The following GRXCR1 variants were observed in gnomAD, a reference collection of about 807,000 sequenced individuals.
GRXCR1 encodes the protein glutaredoxin and cysteine rich domain containing 1.
A neutral mutation model predicts 27.3 loss-of-function variants in GRXCR1; 27 were observed. That is an observed-to-expected ratio of 0.99 (90% confidence interval 0.73 to 1.37). GRXCR1 has a LOEUF of 1.37. Ranked by LOEUF, GRXCR1 falls within the 40% of genes most tolerant of loss-of-function variation. The pLI, the probability that GRXCR1 is intolerant of heterozygous loss-of-function variation, is 0.00. For synonymous variants in GRXCR1, 122 were observed against 131.1 expected, an observed-to-expected ratio of 0.93 and a Z score of 0.47; for missense variants, 379 against 354.4, an observed-to-expected ratio of 1.07 and a Z score of -0.56.
At chr4:42,957,830 C>A (rs1165082203) in intron 1 of GRXCR1, among the ~76,000 whole-genome samples, 1 of 151,722 alleles carries the variant, frequency 6.6e-6, no homozygotes, top group Non-Finnish European at 1.5e-5. Flanking sequence ...ATTCTGAATT[C>A]CTTCTCTGTG....
At chr4:42,935,415 G>A (rs1029965190) in intron 1 of GRXCR1, among the ~76,000 whole-genome samples, 1 of 151,880 alleles carries the variant, frequency 6.6e-6, no homozygotes, top group Admixed American at 6.6e-5. Flanking sequence ...AGAAGTATAG[G>A]AAGGAAGAGG....
chr4:42,982,023 G>C (rs1748682856), intron 2 of GRXCR1, among the ~76,000 whole-genome samples: 1 of 150,938 alleles, frequency 6.6e-6, no homozygotes, highest in Non-Finnish European at 1.5e-5. Flanking sequence ...GCTTTAAAGA[G>C]GCTTTCCACC....
At chr4:42,971,345 C>T (rs891939446) in intron 2 of GRXCR1, among the ~76,000 whole-genome samples, 2 of 152,136 alleles carry the variant, frequency 1.3e-5, no homozygotes, top group African/African-American at 4.8e-5. Flanking sequence ...TAGCAATGCT[C>T]CACTACCAGT....
At position 42,969,552 on chromosome 4, in the gene GRXCR1, G is replaced by A. The variant is rs145084045; in HGVS notation, c.627+6418G>A. 1.9e-3 allele frequency among the ~76,000 whole-genome samples: 282 copies of A among 152,186 alleles called. 1 individual carries two copies. The highest frequency in any genetic ancestry group is 6.6e-3 in the African/African-American group (274 of 41,546). On this transcript the variant is annotated intron_variant, in intron 2 of 3. Transcript: ENST00000399770. The stretch of plus-strand genomic sequence containing the variant: ...GCATGTCTTTACAATGGTGGAGCAC[G>A]GGAGAGAGAGGGATCGAGAGAGCAA...
chr4:43,003,021 G>A (rs763385439), intron 2 of GRXCR1, among the ~76,000 whole-genome samples: 9 of 152,218 alleles, frequency 5.9e-5, no homozygotes, highest in Non-Finnish European at 1.2e-4. Context: ...AAAGTGTGTG[G>A]CATTCCAGCC....
chr4:42,920,544 G>A, intron 1 of GRXCR1, among the ~76,000 whole-genome samples: 1 of 152,230 alleles, frequency 6.6e-6, no homozygotes, highest in East Asian at 1.9e-4. Flanking sequence ...CTTAGAGAAT[G>A]TGTTGACGTG....
intron 2 of GRXCR1, among the ~76,000 whole-genome samples, chr4:43,010,403 CAAA>C (rs57753561): frequency 1.8e-5 from 2 of 111,230 alleles, no homozygotes; most frequent in Admixed American, 9.8e-5. Context: ...AACTCCATCT[CAAA>C]AAAAAAAAAA....
intron 3 of GRXCR1, 114 bp downstream of exon 3, chr4:43,020,533 T>G (rs1185384987): frequency 1.3e-6 from 1 of 741,770 alleles, no homozygotes; most frequent in Non-Finnish European, 2.4e-6. Context: ...AAATATGCAA[T>G]AGGATACATG....
At chr4:43,010,757 A>G (rs1266185017) in intron 2 of GRXCR1, among the ~76,000 whole-genome samples, 2 of 152,204 alleles carry the variant, frequency 1.3e-5, no homozygotes, top group Non-Finnish European at 2.9e-5. Flanking sequence ...AGAAGTTGAC[A>G]GTGTGATTTT....
intron 2 of GRXCR1, among the ~76,000 whole-genome samples, chr4:42,982,672 A>G (rs1711529744): frequency 7.3e-6 from 1 of 136,558 alleles, no homozygotes; most frequent in African/African-American, 2.6e-5. Flanking sequence ...AGTCCCACCA[A>G]CAGTGTAAAA....
chr4:42,958,486 C>A (rs1323943332), intron 1 of GRXCR1, among the ~76,000 whole-genome samples: 2 of 151,914 alleles, frequency 1.3e-5, no homozygotes, highest in Admixed American at 6.6e-5. Flanking sequence ...TCCTTGATAT[C>A]ACCCCTGGCA....
intron 1 of GRXCR1, among the ~76,000 whole-genome samples, chr4:42,928,815 G>T (rs1747232931): frequency 6.6e-6 from 1 of 151,874 alleles, no homozygotes; most frequent in African/African-American, 2.4e-5. Context: ...CCTGACCCTT[G>T]GATAATTAGA....
chr4:42,988,805 C>T (rs1361555984), intron 2 of GRXCR1, among the ~76,000 whole-genome samples: 4 of 152,008 alleles, frequency 2.6e-5, no homozygotes, highest in East Asian at 1.9e-4. Flanking sequence ...ATATGGAATG[C>T]CAGTATGCAA....
intron 1 of GRXCR1, among the ~76,000 whole-genome samples, chr4:42,901,688 A>G (rs919373192): frequency 6.6e-6 from 1 of 152,144 alleles, no homozygotes; most frequent in Admixed American, 6.6e-5. Context: ...TGCCTTCTAT[A>G]CTTGGTATTA....
chr4:42,971,340 A>G (rs1489148344), intron 2 of GRXCR1, among the ~76,000 whole-genome samples: 3 of 152,124 alleles, frequency 2.0e-5, no homozygotes, highest in Admixed American at 6.6e-5. Context: ...GTTTATAGCA[A>G]TGCTCCACTA....
At chr4:43,007,992 T>A (rs540538184) in intron 2 of GRXCR1, among the ~76,000 whole-genome samples, 2 of 152,308 alleles carry the variant, frequency 1.3e-5, no homozygotes, top group South Asian at 4.1e-4. Context: ...TTTCTGTGAC[T>A]CTGGTTATAA....
At chr4:42,903,274 A>C (rs553443078) in intron 1 of GRXCR1, among the ~76,000 whole-genome samples, 5 of 147,064 alleles carry the variant, frequency 3.4e-5, no homozygotes, top group Non-Finnish European at 7.4e-5. Flanking sequence ...CTACACAGAA[A>C]ACCAAATAAA....
intron 2 of GRXCR1, 112 bp downstream of exon 2, chr4:42,963,246 T>C: frequency 7.7e-7 from 1 of 1,295,488 alleles, no homozygotes; most frequent in Non-Finnish European, 1.1e-6. Flanking sequence ...GCTGGTTTTT[T>C]TGGAGCTCAA....
intron 2 of GRXCR1, among the ~76,000 whole-genome samples, chr4:42,978,571 T>C (rs969416645): frequency 2.6e-5 from 4 of 152,072 alleles, no homozygotes; most frequent in Non-Finnish European, 5.9e-5. Flanking sequence ...ATAATTGAGA[T>C]TGTTTTCTTG....
Sources: allele counts gnomAD v4.1 joint callset (sites outside exome capture counted in the v4.1 genomes callset), GRCh38; gene constraint gnomAD v4.1.1; transcripts MANE v1.5; gene names NCBI Gene and HGNC (gene_info 2026-07-23, HGNC 2026-07-21).